SLC22A25: variants seen among roughly 807,000 people sequenced by gnomAD.
The protein encoded by SLC22A25 is solute carrier family 22 member 25, also known as MGI:2442751, MGI:2385316, MGI:3042283, MGI:3645714, MGI:3605624, MGI:2442750.
Under a neutral mutation model 45.9 loss-of-function variants are expected in SLC22A25, and 44 were observed. That is an observed-to-expected ratio of 0.96 (90% CI 0.75 to 1.23). The LOEUF (loss-of-function observed/expected upper bound fraction) is 1.23. Among genes scored for constraint, SLC22A25 ranks in the 50% most tolerant of loss-of-function variants. SLC22A25 has a pLI of 0.00. For synonymous variants in SLC22A25, 283 were observed against 238.6 expected (o/e 1.19, Z -1.72); for missense variants, 800 against 666.4 (o/e 1.20, Z -2.21).
intron 11 of SLC22A25, 30 bp from the exon 12 acceptor site, chr11:63,164,103 G>A: frequency 6.5e-7 from 1 of 1,538,182 alleles, no homozygotes; most frequent in Non-Finnish European, 8.7e-7. Flanking sequence ...CAGAGGAAAA[G>A]TTGTTAAAAA....
At chr11:63,236,745 C>T (rs897130635) in intron 3 of SLC22A25, among the ~76,000 whole-genome samples, 8 of 152,158 alleles carry the variant, frequency 5.3e-5, no homozygotes, top group Admixed American at 1.3e-4. Flanking sequence ...TCTTCTGCAT[C>T]GCTGACCCTG....
At chr11:63,221,542 A>G (rs1358160905) in intron 5 of SLC22A25, among the ~76,000 whole-genome samples, 1 of 152,072 alleles carries the variant, frequency 6.6e-6, no homozygotes, top group Non-Finnish European at 1.5e-5. Context: ...CCCTTATCAG[A>G]TGGGTAACTT....
At chr11:63,195,260 G>A (rs2088978548) in intron 7 of SLC22A25, among the ~76,000 whole-genome samples, 1 of 152,086 alleles carries the variant, frequency 6.6e-6, no homozygotes, top group Admixed American at 6.5e-5. Context: ...GGACCTAATA[G>A]ACATCTACAG....
At chr11:63,184,966 G>A (rs970033770) in intron 7 of SLC22A25, among the ~76,000 whole-genome samples, 6 of 152,004 alleles carry the variant, frequency 3.9e-5, no homozygotes, top group African/African-American at 1.5e-4. Context: ...TAGGAATGAA[G>A]TTCACTGAGC....
intron 4 of SLC22A25, 137 bp downstream of exon 4, chr11:63,229,114 A>C: frequency 3.4e-6 from 3 of 888,756 alleles, no homozygotes; most frequent in Non-Finnish European, 4.9e-6. Context: ...GGCATTCAGT[A>C]GAGAAGCAAT....
Position 63,189,192 on chromosome 11 carries a change from A to G in SLC22A25, c.831-5375T>C, listed in dbSNP as rs187729183. On this transcript the variant is annotated intron_variant, in intron 7 of 11. Transcript: ENST00000306494. ...TGTGTGGGAGCCTAAGTCTCTTCCT[A>G]GGTCTCTAAGGACTAGTTTTATGAA... Among the ~76,000 whole-genome samples the G allele has an allele frequency of 4.8e-3, 734 of 152,258 alleles. 10 individuals are homozygous for G. The highest frequency in any genetic ancestry group is 0.016 in the African/African-American group (680 of 41,550).
intron 7 of SLC22A25, among the ~76,000 whole-genome samples, chr11:63,212,523 T>A (rs1394577734): frequency 2.6e-5 from 4 of 151,984 alleles, no homozygotes; most frequent in Admixed American, 2.0e-4. Flanking sequence ...TGTAGGGACA[T>A]GGATGAAACT....
At chr11:63,166,361 A>T (rs1224165165) in intron 9 of SLC22A25, 103 bp from the exon 10 acceptor site, 7 of 1,483,162 alleles carry the variant, frequency 4.7e-6, no homozygotes, top group African/African-American at 1.4e-5. Context: ...TTTAAAGTAA[A>T]AAGGCAGAGT....
intron 7 of SLC22A25, among the ~76,000 whole-genome samples, chr11:63,203,736 A>G (rs1305318783): frequency 6.6e-6 from 1 of 152,186 alleles, no homozygotes; most frequent in Non-Finnish European, 1.5e-5. Context: ...AATACTCTTC[A>G]GGCTATTATC....
intron 3 of SLC22A25, among the ~76,000 whole-genome samples, chr11:63,236,465 G>T (rs1390569638): frequency 6.6e-6 from 1 of 152,178 alleles, no homozygotes; most frequent in Admixed American, 6.6e-5. Flanking sequence ...TAATCTCCTG[G>T]TGTGCCGTTT....
chr11:63,211,288 C>G (rs2089552675), intron 7 of SLC22A25, among the ~76,000 whole-genome samples: 1 of 152,134 alleles, frequency 6.6e-6, no homozygotes, highest in African/African-American at 2.4e-5. Flanking sequence ...AATGCAAGTC[C>G]TCCTGGAATA....
At chr11:63,173,115 G>A (rs2087949198) in intron 9 of SLC22A25, among the ~76,000 whole-genome samples, 1 of 151,590 alleles carries the variant, frequency 6.6e-6, no homozygotes, top group Non-Finnish European at 1.5e-5. Context: ...AACTAACACA[G>A]GATCAGTAAA....
At chr11:63,192,743 G>T (rs757297629) in intron 7 of SLC22A25, among the ~76,000 whole-genome samples, 3 of 150,382 alleles carry the variant, frequency 2.0e-5, no homozygotes, top group Non-Finnish European at 4.4e-5. Context: ...GAGAAAGAAG[G>T]CATTACATAA....
At chr11:63,227,469 C>T (rs2089984792) in intron 5 of SLC22A25, among the ~76,000 whole-genome samples, 1 of 152,154 alleles carries the variant, frequency 6.6e-6, no homozygotes, top group Non-Finnish European at 1.5e-5. Flanking sequence ...ATGAAGGGAT[C>T]ATGACTCTGC....
chr11:63,220,524 T>C (rs2134823027), intron 5 of SLC22A25, among the ~76,000 whole-genome samples: 2 of 152,292 alleles, frequency 1.3e-5, no homozygotes, highest in East Asian at 3.9e-4. Context: ...ATGGAGTATA[T>C]GAGAGATTTT....
intron 10 of SLC22A25, among the ~76,000 whole-genome samples, chr11:63,165,009 G>T (rs1328361591): frequency 1.3e-5 from 2 of 152,094 alleles, no homozygotes; most frequent in Non-Finnish European, 2.9e-5. Context: ...ACTAGGGAGT[G>T]TAAGACTCAT....
chr11:63,187,864 T>C (rs913847010), intron 7 of SLC22A25, among the ~76,000 whole-genome samples: 1 of 152,240 alleles, frequency 6.6e-6, no homozygotes, highest in Admixed American at 6.5e-5. Flanking sequence ...TTTGCATAGG[T>C]TGAACCAGCC....
At chr11:63,213,857 A>C (rs1258753339) in intron 7 of SLC22A25, among the ~76,000 whole-genome samples, 1 of 152,206 alleles carries the variant, frequency 6.6e-6, no homozygotes, top group Non-Finnish European at 1.5e-5. Flanking sequence ...GTTTCATAAC[A>C]GATGGGGTGC....
intron 3 of SLC22A25, among the ~76,000 whole-genome samples, chr11:63,234,123 G>T (rs1258796639): frequency 6.6e-6 from 1 of 152,164 alleles, no homozygotes; most frequent in African/African-American, 2.4e-5. Flanking sequence ...GTTGATTTGG[G>T]GTGGAGAGTT....
Sources: gnomAD v4.1 joint callset for allele counts (sites outside exome capture counted in the v4.1 genomes callset) on GRCh38, gnomAD v4.1.1 for gene constraint, MANE v1.5 for transcripts, NCBI Gene and HGNC (gene_info 2026-07-23, HGNC 2026-07-21) for gene names.